DMD: variants seen among roughly 807,000 people sequenced by gnomAD.
DMD encodes dystrophin.
A neutral mutation model predicts 330.1 loss-of-function variants in DMD; 63 were observed. That is an observed-to-expected ratio of 0.19 (90% CI 0.16 to 0.24). The LOEUF (loss-of-function observed/expected upper bound fraction) is 0.24. DMD is among the 10% of genes least tolerant of loss of function. The probability of loss-of-function intolerance (pLI) is 1.00; values close to 1 mark genes in which losing one functional copy is unlikely to be tolerated. For missense variants in DMD, 3,344 were observed against 2,684.1 expected, an observed-to-expected ratio of 1.25 and a Z score of -5.43; for synonymous variants, 1,223 against 959.8, an observed-to-expected ratio of 1.27 and a Z score of -5.07.
intron 43 of DMD, among the ~76,000 whole-genome samples, chrX:32,251,137 T>C (rs747200842): frequency 9.1e-6 from 1 of 109,840 alleles, no homozygotes; most frequent in East Asian, 2.9e-4. Context: ...CGTGTATACC[T>C]ATGTAACAAA....
intron 55 of DMD, among the ~76,000 whole-genome samples, chrX:31,552,000 T>G (rs924873806): frequency 8.9e-6 from 1 of 112,183 alleles, no homozygotes; most frequent in Non-Finnish European, 1.9e-5. Context: ...AGGTCTGAAG[T>G]CTTTTTGTGT....
rs1378999009 is a variant in DMD at position 32,737,197 on chromosome X, G to T, written c.650-37904C>A. 3.6e-5 allele frequency among the ~76,000 whole-genome samples: 4 copies of T among 109,809 alleles called. No individual in the cohort carries two copies. In the Admixed American group the frequency reaches 3.9e-4, roughly 11 times the overall value. On this transcript the variant is annotated intron_variant, in intron 7 of 78. Coordinates refer to ENST00000357033, the MANE Select transcript of DMD (RefSeq NM_004006.3). ...TTTTCTTGAAAACTCAGCCCAAATGGCCACCTGGTGCTTCAAGACGTGAAG... is the reference window on the plus strand; with the variant it reads ...TTTTCTTGAAAACTCAGCCCAAATGTCCACCTGGTGCTTCAAGACGTGAAG...
At chrX:31,618,220 T>C (rs745395958) in intron 55 of DMD, among the ~76,000 whole-genome samples, 1 of 90,093 alleles carries the variant, frequency 1.1e-5, no homozygotes, top group African/African-American at 4.2e-5. Flanking sequence ...CCCCTAGAGC[T>C]TAAAATAAAA....
chrX:32,943,854 A>G (rs1174185194), intron 2 of DMD, among the ~76,000 whole-genome samples: 1 of 112,052 alleles, frequency 8.9e-6, no homozygotes. Context: ...TTTTTCATAT[A>G]CCTTTGGATG....
chrX:31,571,823 C>A (rs1569552124), intron 55 of DMD, among the ~76,000 whole-genome samples: 1 of 111,399 alleles, frequency 9.0e-6, no homozygotes, highest in East Asian at 2.8e-4. Context: ...AATGTGACAA[C>A]CAAGAATTTC....
At chrX:33,254,551 T>C (rs1254717926) in intron 1 of DMD, among the ~76,000 whole-genome samples, 7 of 110,187 alleles carry the variant, frequency 6.4e-5, no homozygotes, top group Admixed American at 9.8e-5. Context: ...CTTATAATAG[T>C]GGGGAGATAC....
chrX:31,466,625 G>A (rs1258723047), intron 59 of DMD, among the ~76,000 whole-genome samples: 1 of 111,880 alleles, frequency 8.9e-6, no homozygotes, highest in East Asian at 2.8e-4. Flanking sequence ...TTTTTGCTTA[G>A]GATTGACTTG....
chrX:31,797,616 T>C (rs2091888563), intron 50 of DMD, among the ~76,000 whole-genome samples: 1 of 112,222 alleles, frequency 8.9e-6, no homozygotes, highest in Admixed American at 9.4e-5. Context: ...ATATTAATAA[T>C]TTGAACTCAA....
chrX:32,204,434 C>A (rs2097054877), intron 44 of DMD, among the ~76,000 whole-genome samples: 3 of 112,067 alleles, frequency 2.7e-5, no homozygotes, highest in Admixed American at 9.5e-5. Context: ...TCTTGTATTA[C>A]ATCTTTCTGT....
intron 55 of DMD, among the ~76,000 whole-genome samples, chrX:31,523,441 T>C (rs1369068914): frequency 9.0e-6 from 1 of 111,031 alleles, no homozygotes; most frequent in Non-Finnish European, 1.9e-5. Flanking sequence ...CATTGGAAAA[T>C]GGCACCAAAA....
chrX:32,782,329 A>G (rs1312385680), intron 7 of DMD, among the ~76,000 whole-genome samples: 1 of 111,988 alleles, frequency 8.9e-6, no homozygotes, highest in Non-Finnish European at 1.9e-5. Context: ...TTCAATATGT[A>G]TGCAGTAACA....
At chrX:32,761,065 G>C (rs993982774) in intron 7 of DMD, among the ~76,000 whole-genome samples, 1 of 111,344 alleles carries the variant, frequency 9.0e-6, no homozygotes, top group East Asian at 2.8e-4. Context: ...CTTTTTATTT[G>C]AACTCTTTGG....
chrX:31,906,967 C>T (rs773676238), intron 47 of DMD, among the ~76,000 whole-genome samples: 2 of 112,276 alleles, frequency 1.8e-5, no homozygotes, highest in African/African-American at 3.2e-5. Context: ...ATGTAAGACA[C>T]ACAGAAACAG....
intron 1 of DMD, among the ~76,000 whole-genome samples, chrX:33,072,383 A>T (rs1004541545): frequency 1.8e-5 from 2 of 111,998 alleles, no homozygotes; most frequent in Non-Finnish European, 3.8e-5. Context: ...GCACCACTGC[A>T]CTCCAGCCTG....
chrX:33,222,107 G>C (rs2052192388), intron 1 of DMD, among the ~76,000 whole-genome samples: 1 of 111,402 alleles, frequency 9.0e-6, no homozygotes, highest in Non-Finnish European at 1.9e-5. Context: ...CAGTACAAAA[G>C]AAGAAAACTA....
At chrX:32,401,304 A>C (rs1043744612) in intron 30 of DMD, among the ~76,000 whole-genome samples, 1 of 108,394 alleles carries the variant, frequency 9.2e-6, no homozygotes, top group Non-Finnish European at 1.9e-5. Context: ...CACAATGTGC[A>C]CATGTACCCT....
At chrX:31,277,635 T>A (rs2052256729) in intron 62 of DMD, among the ~76,000 whole-genome samples, 2 of 111,177 alleles carry the variant, frequency 1.8e-5, no homozygotes, top group Admixed American at 9.6e-5. Flanking sequence ...AGGAACATGA[T>A]GCCGAGGTAC....
chrX:33,242,611 G>A (rs1415304033), intron 1 of DMD, among the ~76,000 whole-genome samples: 1 of 111,527 alleles, frequency 9.0e-6, no homozygotes, highest in African/African-American at 3.3e-5. Flanking sequence ...TAGATATCTG[G>A]TAGTGGGATT....
chrX:32,411,829 G>A lies in DMD; in HGVS notation c.4156C>T (p.Leu1386Phe). The part of the protein sequence containing the change: ...EKSLHLIQES[L>F]TFIDKQLAAY... ...GCCAACTGCTTGTCAATGAATGTGA[G>A]GGACTCCTGGATTAAGTGTAAGGAT... Residue 1386 changes from leucine to phenylalanine, a missense_variant, in exon 30 of 79, where the codon CTC becomes TTC. Transcript: ENST00000357033. 8.3e-7 allele frequency: 1 copy of A among 1,210,969 alleles called. No homozygotes were observed. Among genetic ancestry groups the A allele is most frequent in the Non-Finnish European group, 1.1e-6 (1 of 895,088 alleles).
Sources: allele counts gnomAD v4.1 joint callset (sites outside exome capture counted in the v4.1 genomes callset), GRCh38; gene constraint gnomAD v4.1.1; transcripts MANE v1.5; gene names NCBI Gene and HGNC (gene_info 2026-07-23, HGNC 2026-07-21).